The following ITGA2 variants were observed in gnomAD, a reference collection of about 807,000 sequenced individuals.
ITGA2 encodes integrin alpha-2.
Under a neutral mutation model 146.3 loss-of-function variants are expected in ITGA2, and 101 were observed. The ratio of observed to expected loss-of-function variants is 0.69; its 90% CI spans 0.59 to 0.81. The LOEUF is 0.81. Among genes scored for constraint, ITGA2 ranks in the 40% least tolerant of loss-of-function variants. ITGA2 has a pLI of 0.00. For missense variants in ITGA2, 1,281 were observed against 1,402.7 expected, an observed-to-expected ratio of 0.91 and a Z score of 1.39; for synonymous variants, 477 against 487.1, an observed-to-expected ratio of 0.98 and a Z score of 0.27.
At chr5:53,064,050 G>GA (rs1203332169) in intron 13 of ITGA2, among the ~76,000 whole-genome samples, 3 of 151,650 alleles carry the variant, frequency 2.0e-5, no homozygotes, top group East Asian at 1.9e-4. Context: ...TAAAATTGAA[G>GA]AAAAAAACTG....
intron 1 of ITGA2, among the ~76,000 whole-genome samples, chr5:53,004,978 A>G (rs1042638365): frequency 1.5e-5 from 2 of 132,548 alleles, no homozygotes; most frequent in African/African-American, 2.8e-5. Flanking sequence ...TGTCCTTTCA[A>G]CATGAAGACA....
Position 52,989,426 on chromosome 5 carries a change from T to C in ITGA2, c.-43T>C. On this transcript the variant is annotated 5_prime_UTR_variant, in exon 1 of 30. Transcript: ENST00000296585. ...CGGCCAAGGGTATCCTCTGCAAACC[T>C]CTGCAAACCCAGCGCAACTACGGTC... 1.2e-6 allele frequency: 2 copies of C among 1,608,990 alleles called. No individual in the cohort carries two copies. The highest frequency in any genetic ancestry group is 1.7e-6 in the Non-Finnish European group (2 of 1,175,396).
chr5:53,038,679 G>A (rs1372285980), intron 2 of ITGA2, among the ~76,000 whole-genome samples: 4 of 152,224 alleles, frequency 2.6e-5, no homozygotes, highest in Non-Finnish European at 4.4e-5. Flanking sequence ...TAGCCTAAGC[G>A]TTAAGAACCT....
chr5:53,060,106 T>C (rs923508969), intron 11 of ITGA2, 94 bp downstream of exon 11: 5 of 1,261,406 alleles, frequency 4.0e-6, no homozygotes, highest in Non-Finnish European at 5.8e-6. Context: ...GCAAAATCCT[T>C]GAACTGTCAT....
At chr5:53,059,487 T>G (rs1313751206) in intron 10 of ITGA2, among the ~76,000 whole-genome samples, 2 of 151,954 alleles carry the variant, frequency 1.3e-5, no homozygotes, top group Non-Finnish European at 2.9e-5. Flanking sequence ...CATATCCGGC[T>G]GTGAGCTTTC....
intron 20 of ITGA2, among the ~76,000 whole-genome samples, 167 bp downstream of exon 20, chr5:53,073,426 C>T (rs1745497110): frequency 6.6e-6 from 1 of 151,870 alleles, no homozygotes; most frequent in Non-Finnish European, 1.5e-5. Context: ...TAGTCTGGCT[C>T]TATATCTAGA....
At position 53,090,840 on chromosome 5, in the gene ITGA2, AAAG is replaced by A; in HGVS notation, c.*242_*244del. 1 of 602,536 alleles carries A rather than the reference AAAG, an allele frequency of 1.7e-6. No homozygotes were observed. The highest frequency in any genetic ancestry group is 3.0e-6 in the Non-Finnish European group (1 of 338,930). 37.3% of individuals were successfully genotyped at this position (602,536 alleles called of 1,614,324 possible). A position where few individuals can be genotyped will look rare whatever the true frequency, so the allele number is the denominator to read the frequency against. On this transcript the variant is annotated 3_prime_UTR_variant, in exon 30 of 30. Coordinates refer to ENST00000296585, the MANE Select transcript of ITGA2 (RefSeq NM_002203.4). ...ACCTATTTTATATGATGGGGGAAAA[AAAG>A]TAATCTTTAAACTGGCTGGCCCAGA...
intron 27 of ITGA2, among the ~76,000 whole-genome samples, chr5:53,086,734 G>A (rs1006916260): frequency 2.0e-5 from 3 of 152,156 alleles, no homozygotes; most frequent in African/African-American, 7.2e-5. Flanking sequence ...TGGTGGCAAG[G>A]TGCAGACAGA....
chr5:53,026,757 A>G lies in ITGA2; in HGVS notation c.74A>G (p.Asn25Ser). The change falls in exon 2 of 30, where the codon AAT becomes AGT. Residue 25 changes from asparagine (N) to serine (S), a missense_variant. By Grantham distance (46) the Asn-to-Ser change is conservative. Coordinates refer to ENST00000296585, the MANE Select transcript of ITGA2 (RefSeq NM_002203.4). ...LVLALSQGIL[N>S]CCLAYNVGLP... ...ATATTTTTCTTAATAGGCATTTTAA[A>G]TTGTTGTTTGGCCTACAATGTTGGT... The G allele has an allele frequency of 1.2e-6, 2 of 1,609,766 alleles. No individual in the cohort carries two copies. Among genetic ancestry groups the G allele is most frequent in the South Asian group, 2.2e-5 (2 of 90,996 alleles).
intron 8 of ITGA2, 90 bp from the exon 9 acceptor site, chr5:53,055,894 G>A: frequency 7.4e-7 from 1 of 1,354,626 alleles, no homozygotes; most frequent in Non-Finnish European, 1.0e-6. Context: ...CTTTTCCAGA[G>A]GGAATATTGT....
Position 53,067,190 on chromosome 5 carries a change from T to A in ITGA2, c.2016T>A (p.Asn672Lys). The change falls in exon 16 of 30, where the codon AAT becomes AAA. Residue 672 changes from asparagine to lysine, a missense_variant. By Grantham distance (94) the Asn-to-Lys change is moderately conservative. This residue lies in a region of ITGA2 where 795 missense variants were observed against 841.7 expected (regional missense o/e 0.94). Coordinates refer to ENST00000296585, the MANE Select transcript of ITGA2 (RefSeq NM_002203.4). ...AAAAAATCACTTTGGTCAACAAGAA[T>A]GCTCAGATAATTCTCAAACTCTGCT... ...TPEKITLVNK[N>K]AQIILKLCFS... 6.2e-7 allele frequency: 1 copy of A among 1,611,748 alleles called. No individual in the cohort carries two copies. Among genetic ancestry groups the A allele is most frequent in the Middle Eastern group, 1.7e-4 (1 of 6,040 alleles).
chr5:53,018,396 C>A (rs1426156067), intron 1 of ITGA2, among the ~76,000 whole-genome samples: 1 of 152,090 alleles, frequency 6.6e-6, no homozygotes, highest in Non-Finnish European at 1.5e-5. Context: ...ATGGCAGGAG[C>A]AGGCCACTCC....
At chr5:53,073,326 G>A in intron 20 of ITGA2, 67 bp downstream of exon 20, 1 of 1,548,146 alleles carries the variant, frequency 6.5e-7, no homozygotes, top group Non-Finnish European at 8.9e-7. Context: ...TCTTCTCTAT[G>A]TCCTCTGAGT....
rs899214122 is a variant in ITGA2 at position 53,074,429 on chromosome 5, G to T, written c.2616G>T (p.Lys872Asn). 4 of 1,612,408 alleles carry T rather than the reference G, an allele frequency of 2.5e-6. No homozygotes were observed. The highest frequency in any genetic ancestry group is 2.2e-5 in the East Asian group (1 of 44,776). ...CATGCCAGGTGGCTGCATCTCAGAAGTCTGTTGCCTGCGATGTAGGCTACC... is the reference window on the plus strand; with the variant it reads ...CATGCCAGGTGGCTGCATCTCAGAATTCTGTTGCCTGCGATGTAGGCTACC... ...EVTCQVAASQ[K>N]SVACDVGYPA... Residue 872 changes from lysine to asparagine, a missense_variant, in exon 21 of 30, where the codon AAG (lysine) becomes AAT (asparagine). By Grantham distance (94) the Lys-to-Asn change is moderately conservative. Transcript: ENST00000296585.
intron 1 of ITGA2, 24 bp from the exon 2 acceptor site, chr5:53,026,724 G>T: frequency 1.9e-6 from 3 of 1,585,932 alleles, no homozygotes; most frequent in Non-Finnish European, 2.6e-6. Context: ...GTAAATATGT[G>T]CTATTTCATA....
intron 2 of ITGA2, among the ~76,000 whole-genome samples, chr5:53,030,158 A>G (rs148375527): frequency 6.6e-6 from 1 of 152,334 alleles, no homozygotes; most frequent in African/African-American, 2.4e-5. Context: ...GAGTTCTGGG[A>G]ACATGAGAGG....
At chr5:52,997,068 T>C (rs1741301699) in intron 1 of ITGA2, among the ~76,000 whole-genome samples, 1 of 152,248 alleles carries the variant, frequency 6.6e-6, no homozygotes, top group South Asian at 2.1e-4. Context: ...TATTCAAGTG[T>C]TTTATCCAGT....
intron 28 of ITGA2, among the ~76,000 whole-genome samples, 198 bp downstream of exon 28, chr5:53,087,239 C>T (rs1009960192): frequency 6.6e-6 from 1 of 152,152 alleles, no homozygotes; most frequent in African/African-American, 2.4e-5. Context: ...CACTTGCCTT[C>T]CTCCATGCCC....
chr5:53,068,490 C>T (rs1359927097), intron 16 of ITGA2, among the ~76,000 whole-genome samples: 2 of 151,916 alleles, frequency 1.3e-5, no homozygotes, highest in Admixed American at 1.3e-4. Context: ...AGAGGTGTCT[C>T]ATGTATCTTC....
Sources: gnomAD v4.1 joint callset for allele counts (sites outside exome capture counted in the v4.1 genomes callset) on GRCh38, gnomAD v4.1.1 for gene constraint, gnomAD v4.1.1 regional missense constraint, MANE v1.5 for transcripts, NCBI Gene and HGNC (gene_info 2026-07-23, HGNC 2026-07-21) for gene names.